SFMBT1: variants seen among roughly 807,000 people sequenced by gnomAD.
SFMBT1 encodes Scm like with four mbt domains 1.
In SFMBT1, 32 loss-of-function variants were observed where a neutral mutation model predicts 108.7. The observed-to-expected ratio is 0.29, with a 90% CI of 0.22 to 0.40. The LOEUF (loss-of-function observed/expected upper bound fraction) is 0.40. Ranked by LOEUF, SFMBT1 falls within the 10% of genes least tolerant of loss-of-function variation. SFMBT1 has a pLI of 1.00. For synonymous variants in SFMBT1, 348 were observed against 369.5 expected, an observed-to-expected ratio of 0.94 and a Z score of 0.67; for missense variants, 816 against 1,059.6, an observed-to-expected ratio of 0.77 and a Z score of 3.19.
At chr3:53,020,062 A>C (rs996286108) in intron 1 of SFMBT1, among the ~76,000 whole-genome samples, 2 of 151,912 alleles carry the variant, frequency 1.3e-5, no homozygotes, top group Admixed American at 6.6e-5. Context: ...AAACCAGTAC[A>C]TAAAGATTTT....
At chr3:52,964,542 T>C (rs1452290090) in intron 2 of SFMBT1, among the ~76,000 whole-genome samples, 2 of 152,190 alleles carry the variant, frequency 1.3e-5, no homozygotes, top group Admixed American at 1.3e-4. Flanking sequence ...TTTAAATGTG[T>C]ATTTTCTAGC....
chr3:53,008,003 A>G (rs1698804648), intron 1 of SFMBT1, among the ~76,000 whole-genome samples: 1 of 152,116 alleles, frequency 6.6e-6, no homozygotes, highest in Admixed American at 6.6e-5. Context: ...AAGGCTGAGA[A>G]AGACTTGGCA....
intron 1 of SFMBT1, among the ~76,000 whole-genome samples, chr3:53,028,078 G>A (rs546922423): frequency 1.6e-4 from 25 of 152,206 alleles, no homozygotes; most frequent in East Asian, 1.2e-3. Context: ...TGACGTCTAC[G>A]GTTGTTTCTT....
At chr3:52,991,026 T>C (rs1378971057) in intron 1 of SFMBT1, among the ~76,000 whole-genome samples, 1 of 152,172 alleles carries the variant, frequency 6.6e-6, no homozygotes, top group East Asian at 1.9e-4. Flanking sequence ...TGCAAACGTC[T>C]GCATAGTATC....
intron 18 of SFMBT1, 28 bp downstream of exon 18, chr3:52,907,527 C>G (rs371874312): frequency 6.2e-7 from 1 of 1,600,130 alleles, no homozygotes; most frequent in Non-Finnish European, 8.5e-7. Context: ...GGCTTCAAGA[C>G]ATTACAGGCA....
In SFMBT1 at chr3:52,943,464, C is replaced by A; in HGVS notation, c.253G>T (p.Asp85Tyr). 1 of 1,614,200 alleles carries A rather than the reference C, an allele frequency of 6.2e-7. No individual in the cohort carries two copies. ...GCTCTCCGATCCTCCCCATAGCCAT[C>A]ATAGCGGAGAAGGAGCAACTGCTCA... Reference protein sequence around the residue: ...TCEQLLLLRYDGYGEDRRADF... With the variant: ...TCEQLLLLRYYGYGEDRRADF... Residue 85 changes from aspartate to tyrosine, a missense_variant, in exon 4 of 21, where the codon GAT becomes TAT. Asp to Tyr is a radical substitution (Grantham distance 160). Transcript: ENST00000394752.
chr3:53,006,282 A>G (rs954007493), intron 1 of SFMBT1, among the ~76,000 whole-genome samples: 1 of 152,092 alleles, frequency 6.6e-6, no homozygotes, highest in East Asian at 1.9e-4. Flanking sequence ...TTCAGGACGG[A>G]ATGGGGAGGA....
intron 2 of SFMBT1, among the ~76,000 whole-genome samples, chr3:52,965,801 T>A (rs185073155): frequency 6.6e-6 from 1 of 150,866 alleles, no homozygotes; most frequent in South Asian, 2.1e-4. Flanking sequence ...GGTCAGGAGA[T>A]CGCGACCATC....
intron 4 of SFMBT1, among the ~76,000 whole-genome samples, chr3:52,936,488 C>CT (rs35382184): frequency 0.092 from 14,015 of 152,226 alleles, 667 homozygotes; most frequent in African/African-American, 0.1. Context: ...GTTGTCCTTA[C>CT]GACACTCTAT....
At chr3:52,973,756 A>C (rs921187673) in intron 1 of SFMBT1, among the ~76,000 whole-genome samples, 1 of 152,054 alleles carries the variant, frequency 6.6e-6, no homozygotes, top group African/African-American at 2.4e-5. Flanking sequence ...TTAGCCTCCC[A>C]AGTAGCTGGG....
At chr3:52,955,049 A>G (rs1703734259) in intron 2 of SFMBT1, among the ~76,000 whole-genome samples, 1 of 152,184 alleles carries the variant, frequency 6.6e-6, no homozygotes, top group Admixed American at 6.6e-5. Flanking sequence ...GAGACCAGAA[A>G]TAATCAAGAT....
intron 1 of SFMBT1, among the ~76,000 whole-genome samples, chr3:53,021,632 A>G (rs958166729): frequency 6.6e-6 from 1 of 152,172 alleles, no homozygotes; most frequent in Non-Finnish European, 1.5e-5. Context: ...TAAGGCCTTC[A>G]TCAGGGCCTT....
At chr3:53,002,373 T>C (rs1376228567) in intron 1 of SFMBT1, among the ~76,000 whole-genome samples, 2 of 129,302 alleles carry the variant, frequency 1.5e-5, no homozygotes, top group African/African-American at 5.8e-5. Context: ...CACTCCAGCC[T>C]GGGTGACAGA....
chr3:53,037,166 G>A (rs1024382793), intron 1 of SFMBT1, among the ~76,000 whole-genome samples: 9 of 152,170 alleles, frequency 5.9e-5, no homozygotes, highest in African/African-American at 1.7e-4. Context: ...GTGTCTTACC[G>A]CCCTGACTGG....
chr3:52,997,716 A>T (rs1214806611), intron 1 of SFMBT1, among the ~76,000 whole-genome samples: 1 of 150,496 alleles, frequency 6.6e-6, no homozygotes, highest in Non-Finnish European at 1.5e-5. Flanking sequence ...TAGAAAATAC[A>T]TCAGTGGTTT....
At chr3:53,032,948 C>T (rs2106960712) in intron 1 of SFMBT1, among the ~76,000 whole-genome samples, 1 of 152,176 alleles carries the variant, frequency 6.6e-6, no homozygotes, top group East Asian at 1.9e-4. Context: ...GCAGAACATT[C>T]CCCCCACACC....
Position 52,945,136 on chromosome 3 carries a change from TAA to T in SFMBT1, c.124-1545_124-1544del, listed in dbSNP as rs367727549. ...TGATTTCCAAATACCACCTTCCAAT[TAA>T]AAAAAAAAAAAAACAAGGACTTCAG... On this transcript the variant is annotated intron_variant, in intron 3 of 20. Transcript: ENST00000394752. 7.2e-4 allele frequency among the ~76,000 whole-genome samples: 35 copies of T among 48,526 alleles called. 9 individuals are homozygous for T. Among genetic ancestry groups the T allele is most frequent in the Non-Finnish European group, 1.5e-3 (34 of 22,200 alleles). The allele number at this position is 48,526 out of a possible 152,430, so 31.8% of individuals were successfully genotyped here.
At chr3:52,946,669 A>AC (rs1703377874) in intron 3 of SFMBT1, among the ~76,000 whole-genome samples, 1 of 152,196 alleles carries the variant, frequency 6.6e-6, no homozygotes, top group Non-Finnish European at 1.5e-5. Flanking sequence ...GTCCCTTGGT[A>AC]CATACATACA....
chr3:53,009,876 G>T (rs1698884022), intron 1 of SFMBT1, among the ~76,000 whole-genome samples: 4 of 152,194 alleles, frequency 2.6e-5, no homozygotes, highest in African/African-American at 9.7e-5. Context: ...AAGTGGAATG[G>T]ATTATCATAA....
Sources: gnomAD v4.1 joint callset for allele counts (sites outside exome capture counted in the v4.1 genomes callset) on GRCh38, gnomAD v4.1.1 for gene constraint, MANE v1.5 for transcripts, NCBI Gene and HGNC (gene_info 2026-07-23, HGNC 2026-07-21) for gene names.